COL24A1: variants seen among roughly 807,000 people sequenced by gnomAD.
COL24A1 encodes collagen type XXIV alpha 1 chain, also known as collagen alpha-1(XXIV) chain.
COL24A1 carries 224 observed loss-of-function variants against 253.9 expected under a neutral mutation model. The observed-to-expected ratio is 0.88, with a 90% CI of 0.79 to 0.99. The LOEUF (loss-of-function observed/expected upper bound fraction) is 0.99. Among genes scored for constraint, COL24A1 ranks in the 50% least tolerant of loss-of-function variants. The pLI, the probability that COL24A1 is intolerant of heterozygous loss-of-function variation, is 0.00. For missense variants in COL24A1, 2,131 were observed against 2,068.5 expected, an observed-to-expected ratio of 1.03 and a Z score of -0.59; for synonymous variants, 685 against 673.7, an observed-to-expected ratio of 1.02 and a Z score of -0.26.
chr1:85,791,118 A>T (rs1037139801), intron 47 of COL24A1, among the ~76,000 whole-genome samples: 4 of 152,132 alleles, frequency 2.6e-5, no homozygotes, highest in African/African-American at 9.7e-5. Flanking sequence ...TGTTGAGGAC[A>T]CTGGTACAGC....
At position 86,023,015 on chromosome 1, in the gene COL24A1, A is replaced by T. The variant is rs929016037; in HGVS notation, c.2050-8T>A. The T allele has an allele frequency of 1.9e-6, 3 of 1,611,608 alleles. No homozygotes were observed. Among genetic ancestry groups the T allele is most frequent in the Non-Finnish European group, 2.5e-6 (3 of 1,178,518 alleles). On this transcript the variant is annotated splice_region_variant and splice_polypyrimidine_tract_variant and intron_variant, in intron 14 of 59. Transcript: ENST00000370571. ...CACAGGGCCAACACTGCCCTGGAAA[A>T]CAGTAAGAAAGAAATGCATCATTAA...
chr1:85,842,185 G>A (rs1317528285), intron 40 of COL24A1, 64 bp from the exon 41 acceptor site: 4 of 1,524,550 alleles, frequency 2.6e-6, no homozygotes, highest in African/African-American at 1.4e-5. Flanking sequence ...GCATTATTCT[G>A]AAAGGAAAAA....
chr1:86,155,824 T>TC (rs1653514959), intron 1 of COL24A1: 2 of 153,340 alleles, frequency 1.3e-5, no homozygotes, highest in African/African-American at 2.4e-5. Context: ...GCCACCCCCT[T>TC]CCCCCCGCTG....
intron 1 of COL24A1, among the ~76,000 whole-genome samples, chr1:86,149,978 T>C (rs945694774): frequency 6.6e-6 from 1 of 152,222 alleles, no homozygotes; most frequent in Non-Finnish European, 1.5e-5. Flanking sequence ...TAAAGTTTCT[T>C]ACAATGCATT....
Position 85,842,369 on chromosome 1 carries a change from C to T in COL24A1, c.3487G>A (p.Asp1163Asn), listed in dbSNP as rs1403478475. The T allele has an allele frequency of 2.5e-6, 4 of 1,601,048 alleles. No individual in the cohort carries two copies. Among genetic ancestry groups the T allele is most frequent in the South Asian group, 1.1e-5 (1 of 88,736 alleles). ...AVGHLGLMGP[D>N]GEPGIPGYRG... The stretch of plus-strand genomic sequence containing the variant: ...TACCCTGGAATTCCTGGTTCTCCAT[C>T]AGGTCCCATCAATCCTAAATGTCCC... Residue 1163 changes from aspartate to asparagine, a missense_variant, in exon 40 of 60, where the codon GAT (aspartate) becomes AAT (asparagine). Transcript: ENST00000370571.
At chr1:85,991,333 T>C (rs1023695208) in intron 19 of COL24A1, among the ~76,000 whole-genome samples, 6 of 152,186 alleles carry the variant, frequency 3.9e-5, no homozygotes, top group African/African-American at 7.2e-5. Context: ...AGAGAACTTG[T>C]AGAGTGAAAG....
At chr1:85,969,604 CAAAAAAAAAAAAAAAAAA>C (rs61128567) in intron 22 of COL24A1, among the ~76,000 whole-genome samples, 2 of 27,470 alleles carry the variant, frequency 7.3e-5, no homozygotes, top group African/African-American at 1.5e-4. Context: ...GACTCTGTCT[CAAAAAAAAAAAAAAAAAA>C]AAAAAAAAAA....
intron 28 of COL24A1, among the ~76,000 whole-genome samples, chr1:85,904,695 T>C (rs560550622): frequency 6.6e-6 from 1 of 152,288 alleles, no homozygotes; most frequent in Non-Finnish European, 1.5e-5. Context: ...TTTTAGTCAA[T>C]CCTGTTATCT....
At chr1:85,985,524 C>T (rs1571478922) in intron 20 of COL24A1, among the ~76,000 whole-genome samples, 1 of 151,894 alleles carries the variant, frequency 6.6e-6, no homozygotes, top group South Asian at 2.1e-4. Flanking sequence ...GAGATCTATA[C>T]TTTAAAAGAT....
chr1:85,918,755 G>GA (rs1473465454), intron 24 of COL24A1, among the ~76,000 whole-genome samples: 1 of 151,982 alleles, frequency 6.6e-6, no homozygotes, highest in Non-Finnish European at 1.5e-5. Context: ...TCTGAATAGA[G>GA]AAAAAAATCT....
At chr1:85,915,904 T>C (rs533524018) in intron 24 of COL24A1, among the ~76,000 whole-genome samples, 1 of 152,304 alleles carries the variant, frequency 6.6e-6, no homozygotes, top group African/African-American at 2.4e-5. Context: ...TCCACCCGCC[T>C]TGGCCTCCCA....
intron 43 of COL24A1, among the ~76,000 whole-genome samples, chr1:85,833,733 T>C (rs1570829393): frequency 6.6e-6 from 1 of 152,010 alleles, no homozygotes; most frequent in Non-Finnish European, 1.5e-5. Context: ...CCAACAACGA[T>C]AGACTGGATT....
At chr1:85,859,945 G>A (rs1381599976) in intron 37 of COL24A1, among the ~76,000 whole-genome samples, 2 of 151,942 alleles carry the variant, frequency 1.3e-5, no homozygotes, top group African/African-American at 4.8e-5. Context: ...TAGCAAGACC[G>A]CATCTCTTTA....
intron 52 of COL24A1, among the ~76,000 whole-genome samples, chr1:85,780,862 TC>T (rs1471203181): frequency 6.6e-6 from 1 of 152,172 alleles, no homozygotes. Context: ...AGTGGGTACT[TC>T]CAAAAACTCA....
At chr1:85,997,237 C>A (rs988728248) in intron 19 of COL24A1, among the ~76,000 whole-genome samples, 3 of 151,262 alleles carry the variant, frequency 2.0e-5, no homozygotes, top group African/African-American at 7.3e-5. Flanking sequence ...TGTGTAGGTG[C>A]CTGCACTATG....
intron 3 of COL24A1, among the ~76,000 whole-genome samples, chr1:86,123,256 G>C (rs959413919): frequency 6.6e-6 from 1 of 151,778 alleles, no homozygotes; most frequent in Non-Finnish European, 1.5e-5. Context: ...TTAGAGCCTA[G>C]GTCATAACTA....
chr1:85,844,624 T>C (rs1027080877), intron 39 of COL24A1, among the ~76,000 whole-genome samples: 1 of 151,378 alleles, frequency 6.6e-6, no homozygotes, highest in Admixed American at 6.6e-5. Flanking sequence ...CCGCAAAGAG[T>C]AAACACGATA....
chr1:85,924,002 C>T (rs1686875409), intron 24 of COL24A1, among the ~76,000 whole-genome samples: 2 of 152,164 alleles, frequency 1.3e-5, no homozygotes, highest in Non-Finnish European at 1.5e-5. Flanking sequence ...TCACGGATCT[C>T]ACAGAAATAC....
chr1:86,156,517 C>A lies in COL24A1; in HGVS notation c.-121G>T. 1 of 862,118 alleles carries A rather than the reference C, an allele frequency of 1.2e-6. No homozygotes were observed. The highest frequency in any genetic ancestry group is 2.6e-5 in the South Asian group (1 of 38,426). The allele number at this position is 862,118 out of a possible 1,614,324, so 53.4% of individuals were successfully genotyped here. A position where few individuals can be genotyped will look rare whatever the true frequency, so the allele number is the denominator to read the frequency against. On this transcript the variant is annotated 5_prime_UTR_variant, in exon 1 of 60. Transcript: ENST00000370571. The stretch of plus-strand genomic sequence containing the variant: ...AAACAATCACATGAAAACCATGCTT[C>A]AAACCCGCAACAAGAAAAAAAGGAG...
Sources: gnomAD v4.1 joint callset for allele counts (sites outside exome capture counted in the v4.1 genomes callset) on GRCh38, gnomAD v4.1.1 for gene constraint, MANE v1.5 for transcripts, NCBI Gene and HGNC (gene_info 2026-07-23, HGNC 2026-07-21) for gene names.